ST8SIA6: variants seen among roughly 807,000 people sequenced by gnomAD.
ST8SIA6 encodes ST8 alpha-N-acetyl-neuraminide alpha-2,8-sialyltransferase 6, also known as alpha-2,8-sialyltransferase 8F.
A neutral mutation model predicts 33.6 loss-of-function variants in ST8SIA6; 39 were observed. The observed-to-expected ratio is 1.16, with a 90% CI of 0.90 to 1.52. The LOEUF (loss-of-function observed/expected upper bound fraction) is 1.52, where lower values mean the gene tolerates loss of function less well. ST8SIA6 is among the 40% of genes most tolerant of loss of function. The probability of loss-of-function intolerance (pLI) is 0.00; values close to 1 mark genes in which losing one functional copy is unlikely to be tolerated. For synonymous variants in ST8SIA6, 172 were observed against 167.2 expected, an observed-to-expected ratio of 1.03 and a Z score of -0.22; for missense variants, 441 against 443.8, an observed-to-expected ratio of 0.99 and a Z score of 0.06.
At chr10:17,414,557 A>G (rs1052895775) in intron 2 of ST8SIA6, among the ~76,000 whole-genome samples, 1 of 152,146 alleles carries the variant, frequency 6.6e-6, no homozygotes, top group Non-Finnish European at 1.5e-5. Flanking sequence ...AAACAACAGA[A>G]ATTTTTCATC....
intron 4 of ST8SIA6, among the ~76,000 whole-genome samples, chr10:17,354,341 A>G (rs928285164): frequency 2.0e-5 from 3 of 152,208 alleles, no homozygotes; most frequent in Non-Finnish European, 2.9e-5. Flanking sequence ...GTGAAGAGCA[A>G]TAATTTCTTA....
chr10:17,413,843 G>A (rs1005317445), intron 2 of ST8SIA6, among the ~76,000 whole-genome samples: 4 of 152,078 alleles, frequency 2.6e-5, no homozygotes, highest in African/African-American at 7.2e-5. Context: ...TCACATTGTC[G>A]TTTACCAAGT....
intron 2 of ST8SIA6, among the ~76,000 whole-genome samples, chr10:17,425,037 C>G (rs564255142): frequency 1.5e-4 from 23 of 152,104 alleles, no homozygotes; most frequent in African/African-American, 5.3e-4. Context: ...CCCAGCCACC[C>G]GTCAATGTTA....
At chr10:17,328,140 A>G (rs1332006722) in intron 5 of ST8SIA6, among the ~76,000 whole-genome samples, 1 of 152,176 alleles carries the variant, frequency 6.6e-6, no homozygotes, top group African/African-American at 2.4e-5. Context: ...AAGAGAAAAT[A>G]AAGAAATTAG....
chr10:17,432,917 G>C (rs1018917730), intron 2 of ST8SIA6, among the ~76,000 whole-genome samples: 1 of 152,110 alleles, frequency 6.6e-6, no homozygotes, highest in Non-Finnish European at 1.5e-5. Flanking sequence ...CAACCCAGCT[G>C]TTTCTGTACC....
intron 3 of ST8SIA6, among the ~76,000 whole-genome samples, chr10:17,377,019 A>G (rs1386779604): frequency 1.3e-5 from 2 of 152,196 alleles, no homozygotes; most frequent in East Asian, 3.8e-4. Flanking sequence ...GCAGGTATAC[A>G]TTGAGATGGC....
intron 4 of ST8SIA6, among the ~76,000 whole-genome samples, chr10:17,356,388 A>G (rs1241168639): frequency 6.9e-6 from 1 of 145,398 alleles, no homozygotes; most frequent in African/African-American, 2.5e-5. Flanking sequence ...CCAGAGGTTT[A>G]CTTTTTTTTT....
chr10:17,338,095 C>T lies in ST8SIA6; in HGVS notation c.378-6543G>A, dbSNP rs148780968. On this transcript the variant is annotated intron_variant, in intron 4 of 7. Transcript: ENST00000377602. ...TCCCTCCCAGGCTGGAGTGCAATGG[C>T]GCGATCTCAGCTCACCACAACCTCC... 1.1e-3 allele frequency among the ~76,000 whole-genome samples: 160 copies of T among 143,774 alleles called. 3 individuals are homozygous for T. In the East Asian group the frequency reaches 0.03, roughly 27 times the overall value. The allele number at this position is 143,774 out of a possible 152,430, so 94.3% of individuals were successfully genotyped here.
At chr10:17,352,345 G>T (rs533014751) in intron 4 of ST8SIA6, among the ~76,000 whole-genome samples, 2 of 152,044 alleles carry the variant, frequency 1.3e-5, no homozygotes, top group Admixed American at 6.6e-5. Context: ...CAGAACTAAC[G>T]CAAGGTAAAA....
chr10:17,380,143 C>A (rs1366272080), intron 3 of ST8SIA6, among the ~76,000 whole-genome samples: 1 of 152,144 alleles, frequency 6.6e-6, no homozygotes, highest in Non-Finnish European at 1.5e-5. Context: ...GCTTCCATGT[C>A]GATGGAAGAC....
intron 3 of ST8SIA6, among the ~76,000 whole-genome samples, chr10:17,362,938 C>G (rs1199405561): frequency 6.6e-6 from 1 of 152,102 alleles, no homozygotes; most frequent in Non-Finnish European, 1.5e-5. Flanking sequence ...TCTCGAACTC[C>G]TGACCTTGTG....
At chr10:17,404,405 T>C (rs1294671505) in intron 2 of ST8SIA6, among the ~76,000 whole-genome samples, 1 of 152,112 alleles carries the variant, frequency 6.6e-6, no homozygotes, top group Non-Finnish European at 1.5e-5. Context: ...GCCCCTCCAT[T>C]GTATCGAATT....
chr10:17,339,753 T>C (rs1238333164), intron 4 of ST8SIA6, among the ~76,000 whole-genome samples: 3 of 152,188 alleles, frequency 2.0e-5, no homozygotes, highest in Non-Finnish European at 2.9e-5. Flanking sequence ...AACCCTACAA[T>C]AGCCCTACAA....
intron 2 of ST8SIA6, among the ~76,000 whole-genome samples, chr10:17,393,714 G>A (rs1450204854): frequency 6.6e-6 from 1 of 152,192 alleles, no homozygotes; most frequent in Non-Finnish European, 1.5e-5. Context: ...GACTTCCTAG[G>A]AGATTGGATG....
intron 4 of ST8SIA6, among the ~76,000 whole-genome samples, chr10:17,334,837 C>T (rs1438849417): frequency 6.6e-6 from 1 of 152,058 alleles, no homozygotes; most frequent in Non-Finnish European, 1.5e-5. Context: ...GAGTTAACCC[C>T]CAACCTCTGG....
chr10:17,329,621 C>T (rs1157315837), intron 5 of ST8SIA6, among the ~76,000 whole-genome samples: 3 of 152,114 alleles, frequency 2.0e-5, no homozygotes, highest in East Asian at 1.9e-4. Flanking sequence ...CAAATAGGCT[C>T]ATTATGGTAT....
chr10:17,374,431 C>G lies in ST8SIA6; in HGVS notation c.291-14831G>C, dbSNP rs371131096. On this transcript the variant is annotated intron_variant, in intron 3 of 7. Transcript: ENST00000377602. ...TATCATACTCTCAATATTATTACCT[C>G]TGCAGGGTGTGGTGGCTCATGCCTA... 4.8e-5 allele frequency among the ~76,000 whole-genome samples: 7 copies of G among 147,006 alleles called. No homozygotes were observed. The East Asian group carries it at 8.5e-4, about 18-fold the overall frequency.
chr10:17,451,779 C>T (rs903375320), intron 2 of ST8SIA6, among the ~76,000 whole-genome samples: 2 of 151,960 alleles, frequency 1.3e-5, no homozygotes, highest in Admixed American at 6.6e-5. Context: ...CACCCCTGCT[C>T]CATAAATAAC....
chr10:17,333,432 A>C (rs1848364076), intron 4 of ST8SIA6, among the ~76,000 whole-genome samples: 1 of 151,728 alleles, frequency 6.6e-6, no homozygotes, highest in African/African-American at 2.4e-5. Flanking sequence ...CCATATAGCC[A>C]AGACAGTCCT....
Sources: gnomAD v4.1 joint callset for allele counts (sites outside exome capture counted in the v4.1 genomes callset) on GRCh38, gnomAD v4.1.1 for gene constraint, MANE v1.5 for transcripts, NCBI Gene and HGNC (gene_info 2026-07-23, HGNC 2026-07-21) for gene names.